Variants in ADAMTSL1 observed in about 807,000 individuals in gnomAD.
ADAMTSL1 encodes ADAMTS-like protein 1.
A neutral mutation model predicts 201.8 loss-of-function variants in ADAMTSL1; 126 were observed. That is an observed-to-expected ratio of 0.62 (90% confidence interval 0.54 to 0.72). The LOEUF (loss-of-function observed/expected upper bound fraction) is 0.72, where lower values mean the gene tolerates loss of function less well. Among genes scored for constraint, ADAMTSL1 ranks in the 30% least tolerant of loss-of-function variants. ADAMTSL1 has a pLI of 0.00. For missense variants in ADAMTSL1, 2,679 were observed against 2,277.8 expected, an observed-to-expected ratio of 1.18 and a Z score of -3.59; for synonymous variants, 1,121 against 903.4, an observed-to-expected ratio of 1.24 and a Z score of -4.32.
At chr9:18,173,627 G>C (rs1281416740) in intron 2 of ADAMTSL1, among the ~76,000 whole-genome samples, 2 of 152,028 alleles carry the variant, frequency 1.3e-5, no homozygotes, top group Admixed American at 1.3e-4. Flanking sequence ...TAGATACCAA[G>C]ATTAATTATC....
intron 3 of ADAMTSL1, chr9:18,573,262 G>A (rs1822456392): frequency 6.5e-6 from 1 of 154,472 alleles, no homozygotes; most frequent in Non-Finnish European, 1.5e-5. Context: ...GCATATATTT[G>A]GCCAGCATGA....
chr9:18,413,292 G>C (rs1351533877), intron 2 of ADAMTSL1, among the ~76,000 whole-genome samples: 1 of 151,910 alleles, frequency 6.6e-6, no homozygotes, highest in Non-Finnish European at 1.5e-5. Flanking sequence ...AGCCTCCTGA[G>C]TAGCTAGGAT....
chr9:18,657,250 T>C (rs574786078), intron 7 of ADAMTSL1, among the ~76,000 whole-genome samples: 21 of 152,362 alleles, frequency 1.4e-4, no homozygotes, highest in African/African-American at 5.0e-4. Flanking sequence ...CTGCAGTATA[T>C]AATTTTCTTA....
chr9:18,282,427 A>T (rs954920842), intron 2 of ADAMTSL1, among the ~76,000 whole-genome samples: 5 of 152,222 alleles, frequency 3.3e-5, no homozygotes, highest in African/African-American at 1.2e-4. Flanking sequence ...TTTGCTATTC[A>T]TGGGTTACTT....
rs145731279 is a variant in ADAMTSL1, at chr9:18,674,455, G to T, written c.1086-1402G>T. Among the ~76,000 whole-genome samples, 514 of 151,640 alleles carry T rather than the reference G, an allele frequency of 3.4e-3. 3 individuals carry two copies. Among genetic ancestry groups the T allele is most frequent in the African/African-American group, 0.012 (487 of 41,344 alleles). On this transcript the variant is annotated intron_variant, in intron 9 of 28. Coordinates refer to ENST00000380548, the MANE Select transcript of ADAMTSL1 (RefSeq NM_001040272.6). ...AGTAATTTCTTCAGAAACTATGCAG[G>T]CCCCTTTATCCCTCTCTCTCTCCTT...
chr9:18,368,661 T>C (rs1259176441), intron 2 of ADAMTSL1, among the ~76,000 whole-genome samples: 1 of 152,210 alleles, frequency 6.6e-6, no homozygotes, highest in Admixed American at 6.5e-5. Context: ...AAGTTTTTTA[T>C]GTTATTTTTA....
intron 1 of ADAMTSL1, among the ~76,000 whole-genome samples, chr9:18,069,631 C>T (rs1476537885): frequency 6.6e-6 from 1 of 152,124 alleles, no homozygotes; most frequent in Non-Finnish European, 1.5e-5. Context: ...CTAATCTGGG[C>T]TTTATTCTTT....
chr9:18,842,936 G>C (rs572016442), intron 23 of ADAMTSL1, among the ~76,000 whole-genome samples: 2 of 152,044 alleles, frequency 1.3e-5, no homozygotes, highest in Non-Finnish European at 2.9e-5. Flanking sequence ...GTCTCTGCGC[G>C]TGAGATGGGT....
At chr9:18,489,276 C>T (rs1182338930) in intron 1 of ADAMTSL1, among the ~76,000 whole-genome samples, 1 of 152,164 alleles carries the variant, frequency 6.6e-6, no homozygotes, top group Admixed American at 6.5e-5. Context: ...AAATCAAAAA[C>T]TTAGGAGCCC....
rs1838117085 is a variant in ADAMTSL1 at position 18,393,057 on chromosome 9, T to C, written c.208-111772T>C. On this transcript the variant is annotated intron_variant, in intron 2 of 29. Transcript: ENST00000680146. ...ACATAATTTTCTCTTAGAGTGCTTA[T>C]TGACCACTTGTAGAAAGGGTTTCTG... Among the ~76,000 whole-genome samples the C allele has an allele frequency of 2.0e-5, 3 of 152,326 alleles. No homozygotes were observed. The South Asian group carries it at 6.2e-4, about 32-fold the overall frequency.
intron 2 of ADAMTSL1, among the ~76,000 whole-genome samples, chr9:18,449,464 T>C (rs1456963589): frequency 6.6e-6 from 1 of 152,072 alleles, no homozygotes; most frequent in Non-Finnish European, 1.5e-5. Flanking sequence ...TGTTGGTTTT[T>C]CTCTTAGAGG....
intron 2 of ADAMTSL1, among the ~76,000 whole-genome samples, chr9:18,314,699 T>A (rs1563880216): frequency 6.6e-6 from 1 of 151,066 alleles, no homozygotes; most frequent in African/African-American, 2.4e-5. Context: ...GCAGCAAGGT[T>A]TATCTCGAAG....
intron 7 of ADAMTSL1, among the ~76,000 whole-genome samples, chr9:18,642,423 A>G (rs1021091526): frequency 2.6e-5 from 4 of 152,034 alleles, no homozygotes; most frequent in African/African-American, 9.7e-5. Context: ...CATATTTATC[A>G]ATTTTTTGTG....
In ADAMTSL1 at chr9:18,777,739, C is replaced by G. The variant is rs777365021; in HGVS notation, c.3510C>G (p.Ile1170Met). The G allele has an allele frequency of 6.2e-7, 1 of 1,613,688 alleles. No homozygotes were observed. The highest frequency in any genetic ancestry group is 8.5e-7 in the Non-Finnish European group (1 of 1,179,820). ...PHRKPTILRK[I>M]SAAQQLSASE... ...GCAAGCCCACCATCCTGCGCAAGAT[C>G]TCAGCGGCCCAGCAGCTCTCAGCCT... Residue 1170 changes from isoleucine to methionine, a missense_variant, in exon 19 of 29, where the codon ATC becomes ATG. Ile to Met is a conservative substitution (Grantham distance 10). Transcript: ENST00000380548.
intron 2 of ADAMTSL1, among the ~76,000 whole-genome samples, chr9:18,212,157 G>A (rs1012415117): frequency 8.5e-5 from 13 of 152,180 alleles, no homozygotes; most frequent in African/African-American, 2.4e-4. Context: ...TGAGTCTTGC[G>A]CCCATGTTTA....
chr9:18,083,357 C>A (rs62548510), intron 1 of ADAMTSL1, among the ~76,000 whole-genome samples: 1 of 152,072 alleles, frequency 6.6e-6, no homozygotes, highest in Non-Finnish European at 1.5e-5. Context: ...AGATATTCAT[C>A]TAAAATTGGC....
chr9:18,370,492 C>T (rs532289359), intron 2 of ADAMTSL1, among the ~76,000 whole-genome samples: 1 of 152,108 alleles, frequency 6.6e-6, no homozygotes, highest in Non-Finnish European at 1.5e-5. Flanking sequence ...ACACAACCTA[C>T]GTAAAGCACT....
Position 18,207,019 on chromosome 9 carries a change from G to A in ADAMTSL1, c.207+43038G>A, listed in dbSNP as rs560118114. ...GTCTCTACTAAAAATACAAAAATTAGCTGGGCGTCGTGGTGCATGCCTGTA... is the reference window on the plus strand; with the variant it reads ...GTCTCTACTAAAAATACAAAAATTAACTGGGCGTCGTGGTGCATGCCTGTA... On this transcript the variant is annotated intron_variant, in intron 2 of 29. Transcript: ENST00000680146. Among the ~76,000 whole-genome samples, 6 of 152,178 alleles carry A rather than the reference G, an allele frequency of 3.9e-5. No homozygotes were observed. In the South Asian group the frequency reaches 1.0e-3, roughly 26 times the overall value.
intron 2 of ADAMTSL1, among the ~76,000 whole-genome samples, chr9:18,376,906 A>T (rs916502977): frequency 6.6e-6 from 1 of 151,308 alleles, no homozygotes; most frequent in Non-Finnish European, 1.5e-5. Flanking sequence ...ACCCTTACAA[A>T]TAGTTATTTA....
Sources: gnomAD v4.1 joint callset for allele counts (sites outside exome capture counted in the v4.1 genomes callset) on GRCh38, gnomAD v4.1.1 for gene constraint, MANE v1.5 for transcripts, NCBI Gene and HGNC (gene_info 2026-07-23, HGNC 2026-07-21) for gene names.